The following MED28 variants were observed in gnomAD, a reference collection of about 807,000 sequenced individuals.
MED28 encodes mediator complex subunit 28, also known as mediator of RNA polymerase II transcription subunit 28.
Under a neutral mutation model 21.3 loss-of-function variants are expected in MED28, and 26 were observed. The ratio of observed to expected loss-of-function variants is 1.22; its 90% CI spans 0.89 to 1.69. The LOEUF (loss-of-function observed/expected upper bound fraction) is 1.69, where lower values mean the gene tolerates loss of function less well. Among genes scored for constraint, MED28 ranks in the 40% most tolerant of loss-of-function variants. The probability of loss-of-function intolerance (pLI) is 0.00; values close to 1 mark genes in which losing one functional copy is unlikely to be tolerated. For synonymous variants in MED28, 110 were observed against 87.6 expected (o/e 1.26, Z -1.43); for missense variants, 257 against 215.4 (o/e 1.19, Z -1.21).
chr4:17,633,720 T>A lies in MED28; in HGVS notation c.*9922T>A. 1 of 1,547,934 alleles carries A rather than the reference T, an allele frequency of 6.5e-7. No homozygotes were observed. Among genetic ancestry groups the A allele is most frequent in the Non-Finnish European group, 8.7e-7 (1 of 1,145,272 alleles). Reference sequence around the variant, plus strand: ...GCAGTTTTTGCATCTGTAGACTGGTTGGGTTTGTAGGTCCGGCCACAGCTG... The same window carrying A: ...GCAGTTTTTGCATCTGTAGACTGGTAGGGTTTGTAGGTCCGGCCACAGCTG... On this transcript the variant is annotated 3_prime_UTR_variant, in exon 4 of 4. Coordinates refer to ENST00000237380, the MANE Select transcript of MED28 (RefSeq NM_025205.5).
rs1007225873 is a variant in MED28 at position 17,629,896 on chromosome 4, A to G, written c.*6098A>G. 2.0e-5 allele frequency: 3 copies of G among 152,138 alleles called. No individual in the cohort carries two copies. Among genetic ancestry groups the G allele is most frequent in the Non-Finnish European group, 4.4e-5 (3 of 68,022 alleles). The allele number at this position is 152,138 out of a possible 1,614,324, so 9.4% of individuals were successfully genotyped here. On this transcript the variant is annotated 3_prime_UTR_variant, in exon 4 of 4. Coordinates refer to ENST00000237380, the MANE Select transcript of MED28 (RefSeq NM_025205.5). ...TCTGAATGGCAGTTTGGTAATAACA[A>G]ACAAAAAGCTTAAGTTTGTGTCCTT...
chr4:17,620,754 G>A (rs1015057917), intron 2 of MED28, among the ~76,000 whole-genome samples: 10 of 147,428 alleles, frequency 6.8e-5, no homozygotes, highest in African/African-American at 2.5e-4. Flanking sequence ...TAAGAAAGGA[G>A]TGCAGTGGCA....
intron 1 of MED28, among the ~76,000 whole-genome samples, chr4:17,618,032 GAC>G: frequency 1.1e-5 from 1 of 93,870 alleles, no homozygotes; most frequent in Non-Finnish European, 2.1e-5. Flanking sequence ...TTTTTTTTGA[GAC>G]AGAGTCTCAC....
At chr4:17,616,818 G>A (rs1714467257) in intron 1 of MED28, among the ~76,000 whole-genome samples, 1 of 152,172 alleles carries the variant, frequency 6.6e-6, no homozygotes, top group African/African-American at 2.4e-5. Context: ...ATATTTGTCA[G>A]ACATTGAAGG....
intron 1 of MED28, 129 bp downstream of exon 1, chr4:17,614,942 A>G: frequency 8.4e-7 from 1 of 1,183,514 alleles, no homozygotes. Flanking sequence ...GGCTTAAAGT[A>G]AGTCACTTGC....
At position 17,633,477 on chromosome 4, in the gene MED28, G is replaced by A. The variant is rs753744207; in HGVS notation, c.*9679G>A. 24 of 458,134 alleles carry A rather than the reference G, an allele frequency of 5.2e-5. No individual in the cohort carries two copies. Among genetic ancestry groups the A allele is most frequent in the Admixed American group, 1.2e-4 (3 of 25,208 alleles). 28.4% of individuals were successfully genotyped at this position (458,134 alleles called of 1,614,324 possible). A position where few individuals can be genotyped will look rare whatever the true frequency, so the allele number is the denominator to read the frequency against. ...CACAGAGCTAAGAATGAGGAAGACT[G>A]TAATTTGAATTCAGACCTCCAGGCC... On this transcript the variant is annotated 3_prime_UTR_variant, in exon 4 of 4. Coordinates refer to ENST00000237380, the MANE Select transcript of MED28 (RefSeq NM_025205.5).
chr4:17,631,028 T>C lies in MED28; in HGVS notation c.*7230T>C, dbSNP rs1239646376. 1 of 152,196 alleles carries C rather than the reference T, an allele frequency of 6.6e-6. No homozygotes were observed. Among genetic ancestry groups the C allele is most frequent in the Admixed American group, 6.5e-5 (1 of 15,270 alleles). 9.4% of individuals were successfully genotyped at this position (152,196 alleles called of 1,614,324 possible). On this transcript the variant is annotated 3_prime_UTR_variant, in exon 4 of 4. Coordinates refer to ENST00000237380, the MANE Select transcript of MED28 (RefSeq NM_025205.5). The stretch of plus-strand genomic sequence containing the variant: ...ATATTTTGCCCCCTAAAAGTTGTTA[T>C]TGAGTCTTGTCAAATCACATTGCTC...
In MED28 at chr4:17,634,055, T is replaced by G; in HGVS notation, c.*10257T>G. 2.0e-6 allele frequency: 1 copy of G among 495,310 alleles called. No individual in the cohort carries two copies. The highest frequency in any genetic ancestry group is 3.4e-6 in the Non-Finnish European group (1 of 298,158). The allele number at this position is 495,310 out of a possible 1,614,324, so 30.7% of individuals were successfully genotyped here. ...TTTTAAAGCACTTTTCCCTCCAATC[T>G]TCATTTTGTATTATAAATAAATATG... is the stretch of plus-strand genomic sequence containing the variant. On this transcript the variant is annotated 3_prime_UTR_variant, in exon 4 of 4. Transcript: ENST00000237380.
At chr4:17,621,405 C>A (rs1231876025) in intron 2 of MED28, among the ~76,000 whole-genome samples, 182 bp from the exon 3 acceptor site, 1 of 151,736 alleles carries the variant, frequency 6.6e-6, no homozygotes, top group Non-Finnish European at 1.5e-5. Context: ...AACTTATCTG[C>A]TGTTTAATGT....
In MED28 at chr4:17,633,850, G is replaced by T; in HGVS notation, c.*10052G>T. ...TTGCATAGGAGGCGAGGTTCGGCAC[G>T]CTGACCACGCGGCTGGGCACGTCCT... On this transcript the variant is annotated 3_prime_UTR_variant, in exon 4 of 4. Transcript: ENST00000237380. The T allele has an allele frequency of 6.4e-7, 1 of 1,551,080 alleles. No homozygotes were observed. Among genetic ancestry groups the T allele is most frequent in the Non-Finnish European group, 8.7e-7 (1 of 1,146,774 alleles).
chr4:17,615,878 G>A (rs1214410896), intron 1 of MED28, among the ~76,000 whole-genome samples: 1 of 152,130 alleles, frequency 6.6e-6, no homozygotes, highest in Non-Finnish European at 1.5e-5. Context: ...GTATCTAATA[G>A]CACAGTGGTA....
intron 3 of MED28, among the ~76,000 whole-genome samples, chr4:17,623,383 A>G (rs1714688132): frequency 7.2e-6 from 1 of 139,314 alleles, no homozygotes; most frequent in African/African-American, 2.7e-5. Context: ...CCTAAGTGAC[A>G]GCAAGACTTC....
At chr4:17,620,692 CTTTTTTTT>C (rs146604205) in intron 2 of MED28, among the ~76,000 whole-genome samples, 2 of 108,850 alleles carry the variant, frequency 1.8e-5, no homozygotes, top group Admixed American at 1.0e-4. Flanking sequence ...TGCATTGTCT[CTTTTTTTT>C]TTTTTTTTTT....
At position 17,624,834 on chromosome 4, in the gene MED28, T is replaced by G. The variant is rs1224471498; in HGVS notation, c.*1036T>G. The stretch of plus-strand genomic sequence containing the variant: ...CCCTGCCTTTGGGAGGGTATTTTGC[T>G]CTCGTTAGTTTTGTGGGCAGCCTCA... On this transcript the variant is annotated 3_prime_UTR_variant, in exon 4 of 4. Coordinates refer to ENST00000237380, the MANE Select transcript of MED28 (RefSeq NM_025205.5). 6.6e-6 allele frequency: 1 copy of G among 152,092 alleles called. No homozygotes were observed. Among genetic ancestry groups the G allele is most frequent in the Non-Finnish European group, 1.5e-5 (1 of 68,022 alleles). 9.4% of individuals were successfully genotyped at this position (152,092 alleles called of 1,614,324 possible). A position where few individuals can be genotyped will look rare whatever the true frequency, so the allele number is the denominator to read the frequency against.
rs1290803451 is a variant in MED28 at position 17,632,574 on chromosome 4, G to T, written c.*8776G>T. 1.3e-6 allele frequency: 2 copies of T among 1,551,288 alleles called. No homozygotes were observed. Among genetic ancestry groups the T allele is most frequent in the East Asian group, 4.9e-5 (2 of 40,928 alleles). On this transcript the variant is annotated 3_prime_UTR_variant, in exon 4 of 4. Coordinates refer to ENST00000237380, the MANE Select transcript of MED28 (RefSeq NM_025205.5). The stretch of plus-strand genomic sequence containing the variant: ...TGGTGAACCATTCCTGGTGCGGAGA[G>T]CCCTGTTTCTGCTGGACTTCTTTGG...
In MED28 at chr4:17,624,582, A is replaced by G. The variant is rs912729570; in HGVS notation, c.*784A>G. 2 of 152,180 alleles carry G rather than the reference A, an allele frequency of 1.3e-5. No homozygotes were observed. The highest frequency in any genetic ancestry group is 2.9e-5 in the Non-Finnish European group (2 of 68,044). The allele number at this position is 152,180 out of a possible 1,614,324, so 9.4% of individuals were successfully genotyped here. On this transcript the variant is annotated 3_prime_UTR_variant, in exon 4 of 4. Transcript: ENST00000237380. ...TTTTCAGTAGCATGACAGTGGGGTC[A>G]TAGGTGAGCTGTGAGGGGCTAAATC... is the stretch of plus-strand genomic sequence containing the variant.
chr4:17,617,522 T>C lies in MED28; in HGVS notation c.160-2379T>C, dbSNP rs184862636. On this transcript the variant is annotated intron_variant, in intron 1 of 3. Transcript: ENST00000237380. ...CTGAGGCTCAGTGAGGGCAAGTTAC[T>C]TGCTGAAAGCCAGCCGTTGGGTTTG... 9.6e-4 allele frequency among the ~76,000 whole-genome samples: 146 copies of C among 152,354 alleles called. 1 individual carries two copies. In the Middle Eastern group the frequency reaches 0.01, roughly 11 times the overall value.
chr4:17,615,766 C>T (rs1275851574), intron 1 of MED28, among the ~76,000 whole-genome samples: 2 of 152,124 alleles, frequency 1.3e-5, no homozygotes, highest in South Asian at 2.1e-4. Flanking sequence ...GCGGAGACCG[C>T]GCCATTGCAC....
chr4:17,633,996 A>G lies in MED28; in HGVS notation c.*10198A>G. On this transcript the variant is annotated 3_prime_UTR_variant, in exon 4 of 4. Coordinates refer to ENST00000237380, the MANE Select transcript of MED28 (RefSeq NM_025205.5). ...CCAATCAAAATTGTATCGGAGAAGA[A>G]GCAACAATTTCATTTATACACTTAC... is the stretch of plus-strand genomic sequence containing the variant. 1.1e-6 allele frequency: 1 copy of G among 887,524 alleles called. No individual in the cohort carries two copies. The highest frequency in any genetic ancestry group is 1.6e-6 in the Non-Finnish European group (1 of 641,722). 55.0% of individuals were successfully genotyped at this position (887,524 alleles called of 1,614,324 possible).
Sources: gnomAD v4.1 joint callset for allele counts (sites outside exome capture counted in the v4.1 genomes callset) on GRCh38, gnomAD v4.1.1 for gene constraint, MANE v1.5 for transcripts, NCBI Gene and HGNC (gene_info 2026-07-23, HGNC 2026-07-21) for gene names.